ENOX1: variants seen among roughly 807,000 people sequenced by gnomAD.
ENOX1 encodes ecto-NOX disulfide-thiol exchanger 1.
A neutral mutation model predicts 82.5 loss-of-function variants in ENOX1; 42 were observed. The observed-to-expected ratio is 0.51, with a 90% CI of 0.40 to 0.66. ENOX1 has a LOEUF of 0.66. Ranked by LOEUF, ENOX1 falls within the 30% of genes least tolerant of loss-of-function variation. The pLI is 0.00. For synonymous variants in ENOX1, 271 were observed against 282.2 expected (o/e 0.96, Z 0.40); for missense variants, 608 against 811.6 (o/e 0.75, Z 3.05).
intron 1 of ENOX1, among the ~76,000 whole-genome samples, chr13:43,711,359 T>G (rs1252705897): frequency 1.3e-5 from 2 of 152,118 alleles, no homozygotes; most frequent in East Asian, 3.9e-4. Context: ...TTTGCTATTG[T>G]GAATAGTGCC....
chr13:43,725,959 C>G (rs1211944881), intron 1 of ENOX1, among the ~76,000 whole-genome samples: 1 of 151,262 alleles, frequency 6.6e-6, no homozygotes, highest in African/African-American at 2.4e-5. Flanking sequence ...AGAATAAGAC[C>G]CTGTCTCAAA....
intron 2 of ENOX1, among the ~76,000 whole-genome samples, chr13:43,615,713 G>C (rs543353170): frequency 1.3e-5 from 2 of 152,044 alleles, no homozygotes; most frequent in East Asian, 3.9e-4. Flanking sequence ...ATATGCATCA[G>C]GCATTTCTCC....
chr13:43,672,409 C>T lies in ENOX1; in HGVS notation c.-284-4865G>A, dbSNP rs555534063. ...AATCCTATTTCTCCACAACTATCCA[C>T]TTTTTCATCACCTAGCATAAAAATA... On this transcript the variant is annotated intron_variant, in intron 1 of 16. Transcript: ENST00000690772. Among the ~76,000 whole-genome samples, 14 of 152,304 alleles carry T rather than the reference C, an allele frequency of 9.2e-5. No individual in the cohort carries two copies. The East Asian group carries it at 2.5e-3, about 27-fold the overall frequency.
intron 1 of ENOX1, among the ~76,000 whole-genome samples, chr13:43,723,798 CA>C (rs1405406140): frequency 1.3e-5 from 2 of 151,754 alleles, no homozygotes; most frequent in Non-Finnish European, 2.9e-5. Context: ...CACACATACA[CA>C]TGACAGGAAG....
At chr13:43,673,517 A>T (rs1326436443) in intron 1 of ENOX1, among the ~76,000 whole-genome samples, 1 of 152,236 alleles carries the variant, frequency 6.6e-6, no homozygotes, top group African/African-American at 2.4e-5. Context: ...TTAACATTTT[A>T]ATGAGAACAT....
intron 7 of ENOX1, among the ~76,000 whole-genome samples, chr13:43,357,366 C>A (rs1242354731): frequency 2.0e-5 from 3 of 152,176 alleles, no homozygotes; most frequent in Non-Finnish European, 4.4e-5. Context: ...CACTTCACAC[C>A]TTTGAAAAGT....
intron 2 of ENOX1, among the ~76,000 whole-genome samples, chr13:43,552,111 C>T (rs780092548): frequency 7.9e-5 from 12 of 152,046 alleles, no homozygotes; most frequent in Admixed American, 3.9e-4. Flanking sequence ...TACCAACCCT[C>T]TTTGAGAGCC....
At chr13:43,716,226 G>A (rs967601188) in intron 1 of ENOX1, among the ~76,000 whole-genome samples, 2 of 152,150 alleles carry the variant, frequency 1.3e-5, no homozygotes, top group African/African-American at 4.8e-5. Context: ...GTGACGTACA[G>A]ATGGGTTTTT....
chr13:43,651,687 ACT>A (rs1405373784), intron 2 of ENOX1, among the ~76,000 whole-genome samples: 2 of 144,596 alleles, frequency 1.4e-5, no homozygotes, highest in Non-Finnish European at 3.0e-5. Context: ...ACATAGCGAG[ACT>A]CTGTCTAAAA....
At chr13:43,358,092 C>T (rs1384529171) in intron 7 of ENOX1, among the ~76,000 whole-genome samples, 1 of 152,146 alleles carries the variant, frequency 6.6e-6, no homozygotes, top group Non-Finnish European at 1.5e-5. Flanking sequence ...GGGACCAGCA[C>T]CCAGGCTGGA....
At chr13:43,548,037 T>C (rs1593757946) in intron 2 of ENOX1, 1 of 152,140 alleles carries the variant, frequency 6.6e-6, no homozygotes, top group South Asian at 2.1e-4. Context: ...AGAAAAACAA[T>C]GACTTTCTAT....
intron 3 of ENOX1, among the ~76,000 whole-genome samples, chr13:43,480,588 CATGAT>C (rs1198906097): frequency 6.6e-6 from 1 of 152,148 alleles, no homozygotes; most frequent in Non-Finnish European, 1.5e-5. Flanking sequence ...AATAAATTAA[CATGAT>C]ATGAGCTCAG....
intron 3 of ENOX1, among the ~76,000 whole-genome samples, chr13:43,470,804 A>G (rs768576806): frequency 3.3e-5 from 5 of 152,130 alleles, no homozygotes; most frequent in Non-Finnish European, 7.4e-5. Context: ...GAAAAGGCAT[A>G]TTAGATTACT....
chr13:43,659,598 T>C (rs2084619940), intron 2 of ENOX1, among the ~76,000 whole-genome samples: 1 of 152,158 alleles, frequency 6.6e-6, no homozygotes, highest in Non-Finnish European at 1.5e-5. Context: ...TTTCCTTAAA[T>C]GTCTCACGAT....
intron 1 of ENOX1, among the ~76,000 whole-genome samples, chr13:43,741,599 TTTA>T (rs1482907615): frequency 6.6e-6 from 1 of 152,240 alleles, no homozygotes; most frequent in African/African-American, 2.4e-5. Context: ...ATGTACCTTT[TTTA>T]TTAAGTTGCA....
chr13:43,664,204 T>C (rs1795154112), intron 2 of ENOX1, among the ~76,000 whole-genome samples: 2 of 152,324 alleles, frequency 1.3e-5, no homozygotes, highest in African/African-American at 4.8e-5. Flanking sequence ...ATTTGCCTTT[T>C]TTTAAAATCA....
intron 7 of ENOX1, among the ~76,000 whole-genome samples, chr13:43,358,107 C>A (rs1451565300): frequency 6.6e-6 from 1 of 152,168 alleles, no homozygotes; most frequent in Non-Finnish European, 1.5e-5. Context: ...GCTGGAAAAT[C>A]ATAGGATCAA....
chr13:43,258,701 G>T (rs1486233501), intron 14 of ENOX1, among the ~76,000 whole-genome samples: 1 of 152,132 alleles, frequency 6.6e-6, no homozygotes, highest in Non-Finnish European at 1.5e-5. Context: ...AGTGGCTCCT[G>T]ATTTTCCAGT....
intron 5 of ENOX1, among the ~76,000 whole-genome samples, chr13:43,381,285 A>G (rs2052022976): frequency 6.6e-6 from 1 of 151,754 alleles, no homozygotes; most frequent in Non-Finnish European, 1.5e-5. Flanking sequence ...TAGAAAATAA[A>G]TAACACATTT....
Sources: gnomAD v4.1 joint callset for allele counts (sites outside exome capture counted in the v4.1 genomes callset) on GRCh38, gnomAD v4.1.1 for gene constraint, MANE v1.5 for transcripts, NCBI Gene and HGNC (gene_info 2026-07-23, HGNC 2026-07-21) for gene names.